Variants in CALCR observed in about 807,000 individuals in gnomAD.
CALCR encodes the protein calcitonin receptor.
Under a neutral mutation model 59.5 loss-of-function variants are expected in CALCR, and 47 were observed. The observed-to-expected ratio is 0.79, with a 90% CI of 0.63 to 1.01. The LOEUF is 1.01. CALCR is among the 50% of genes least tolerant of loss of function. CALCR has a pLI of 0.00. For missense variants in CALCR, 566 were observed against 597.1 expected (o/e 0.95, Z 0.54); for synonymous variants, 213 against 211.3 (o/e 1.01, Z -0.07).
intron 2 of CALCR, among the ~76,000 whole-genome samples, chr7:93,525,596 T>A (rs1026542002): frequency 1.7e-4 from 26 of 152,228 alleles, no homozygotes; most frequent in Non-Finnish European, 3.5e-4. Context: ...TGGCTAACAG[T>A]ACTGCAGTTC....
At chr7:93,498,748 C>T (rs1393816163) in intron 2 of CALCR, among the ~76,000 whole-genome samples, 1 of 151,652 alleles carries the variant, frequency 6.6e-6, no homozygotes, top group Non-Finnish European at 1.5e-5. Flanking sequence ...TTAGTCACTA[C>T]ATATAGACTG....
At chr7:93,485,563 A>G (rs1468180) in intron 3 of CALCR, among the ~76,000 whole-genome samples, 60,872 of 151,348 alleles carry the variant, frequency 0.4, 12,958 homozygotes, top group South Asian at 0.49. Flanking sequence ...ATACCAGATC[A>G]CTTAGGATTT....
At chr7:93,530,413 C>A (rs13223650) in intron 2 of CALCR, among the ~76,000 whole-genome samples, 13,033 of 152,108 alleles carry the variant, frequency 0.086, 620 homozygotes, top group African/African-American at 0.099. Flanking sequence ...CTATTTCCAC[C>A]TTTTAATCTA....
chr7:93,483,612 T>C (rs1158308957), intron 3 of CALCR, among the ~76,000 whole-genome samples: 1 of 151,520 alleles, frequency 6.6e-6, no homozygotes, highest in East Asian at 2.0e-4. Context: ...CTTTTGCTGA[T>C]AATTTTATAC....
chr7:93,572,155 TA>T (rs1790018567), intron 2 of CALCR, among the ~76,000 whole-genome samples: 1 of 152,158 alleles, frequency 6.6e-6, no homozygotes, highest in Non-Finnish European at 1.5e-5. Context: ...CATCAAATAT[TA>T]AAATATTTTT....
At chr7:93,568,535 C>CTCTCTCTCTT (rs1789922608) in intron 2 of CALCR, among the ~76,000 whole-genome samples, 1 of 135,094 alleles carries the variant, frequency 7.4e-6, no homozygotes. Flanking sequence ...CTCTCTCTCT[C>CTCTCTCTCTT]TCTCTCTCTC....
chr7:93,458,565 C>T (rs1008364107), intron 8 of CALCR, among the ~76,000 whole-genome samples: 1 of 152,140 alleles, frequency 6.6e-6, no homozygotes, highest in Non-Finnish European at 1.5e-5. Context: ...TGGTTGAGCT[C>T]AGCTATGGGG....
chr7:93,543,091 C>A (rs1339710362), intron 2 of CALCR, among the ~76,000 whole-genome samples: 3 of 151,958 alleles, frequency 2.0e-5, no homozygotes, highest in Admixed American at 6.6e-5. Context: ...ATTGTATATG[C>A]CACATTTTTT....
chr7:93,436,956 G>A (rs1016593402), intron 11 of CALCR, among the ~76,000 whole-genome samples: 2 of 151,982 alleles, frequency 1.3e-5, no homozygotes, highest in East Asian at 1.9e-4. Context: ...ATATTTGCAC[G>A]GGCAGCTCTT....
At chr7:93,514,033 T>C (rs543172166) in intron 2 of CALCR, among the ~76,000 whole-genome samples, 1 of 152,154 alleles carries the variant, frequency 6.6e-6, no homozygotes, top group South Asian at 2.1e-4. Flanking sequence ...TGACATTCTA[T>C]ATTTGAATCA....
At chr7:93,447,248 C>T (rs914385909) in intron 8 of CALCR, among the ~76,000 whole-genome samples, 5 of 151,916 alleles carry the variant, frequency 3.3e-5, no homozygotes, top group Non-Finnish European at 7.4e-5. Context: ...ACAGGTTTTC[C>T]TTAGTCTAAT....
intron 7 of CALCR, among the ~76,000 whole-genome samples, chr7:93,468,254 C>G (rs1232740633): frequency 6.6e-6 from 1 of 151,706 alleles, no homozygotes; most frequent in Non-Finnish European, 1.5e-5. Context: ...TAGAAACATG[C>G]TCTGATGTGC....
intron 2 of CALCR, among the ~76,000 whole-genome samples, chr7:93,495,244 G>A (rs1801174793): frequency 6.6e-6 from 1 of 151,326 alleles, no homozygotes; most frequent in Admixed American, 6.6e-5. Flanking sequence ...ACACCAGGAA[G>A]ATCACTCAAA....
chr7:93,460,580 T>TATATATATATATATAC (rs1562982468), intron 8 of CALCR, among the ~76,000 whole-genome samples: 77 of 111,882 alleles, frequency 6.9e-4, no homozygotes, highest in African/African-American at 3.0e-3. Flanking sequence ...AAAATATATA[T>TATATATATATATATAC]ATATATATAT....
chr7:93,469,233 G>A (rs1037357519), intron 6 of CALCR, among the ~76,000 whole-genome samples: 4 of 151,652 alleles, frequency 2.6e-5, no homozygotes, highest in African/African-American at 9.7e-5. Flanking sequence ...CAGAGAGTAT[G>A]GTGGCAGGTT....
chr7:93,533,868 C>T lies in CALCR; in HGVS notation c.-27+40421G>A, dbSNP rs191969256. Among the ~76,000 whole-genome samples the T allele has an allele frequency of 3.2e-3, 484 of 151,868 alleles. 2 individuals carry two copies. Among genetic ancestry groups the T allele is most frequent in the African/African-American group, 0.011 (476 of 41,494 alleles). On this transcript the variant is annotated intron_variant, in intron 2 of 13. Transcript: ENST00000426151. ...TTCTTTGGGAAGTAAATCTGGAGGT[C>T]ACTGCTCATGGGTTTGTTAGCAGCC...
intron 2 of CALCR, among the ~76,000 whole-genome samples, chr7:93,555,608 C>G (rs1024801945): frequency 4.6e-5 from 7 of 152,102 alleles, no homozygotes; most frequent in Non-Finnish European, 1.0e-4. Flanking sequence ...CCATTTCAAC[C>G]ATTTATCAAA....
In CALCR at chr7:93,429,934, G is replaced by GTT. The variant is rs60085032; in HGVS notation, c.1192-3347_1192-3346dup. Among the ~76,000 whole-genome samples the GTT allele has an allele frequency of 2.8e-4, 26 of 93,202 alleles. 1 individual carries two copies. Among genetic ancestry groups the GTT allele is most frequent in the African/African-American group, 9.4e-4 (24 of 25,616 alleles). 61.1% of individuals were successfully genotyped at this position (93,202 alleles called of 152,430 possible). A position where few individuals can be genotyped will look rare whatever the true frequency, so the allele number is the denominator to read the frequency against. On this transcript the variant is annotated intron_variant, in intron 13 of 13. Transcript: ENST00000426151. Reference sequence around the variant, plus strand: ...AGACGGTTTTTTTTTTTGTTTGTTTGTTTTTTTGTTTTTTTTTGAGACAGA... The same window carrying GTT: ...AGACGGTTTTTTTTTTTGTTTGTTTGTTTTTTTTTGTTTTTTTTTGAGACAGA...
chr7:93,515,163 T>C (rs1380216587), intron 2 of CALCR, among the ~76,000 whole-genome samples: 2 of 152,072 alleles, frequency 1.3e-5, no homozygotes, highest in East Asian at 3.9e-4. Context: ...CTTATAATTG[T>C]AAATCACTTT....
Sources: gnomAD v4.1 joint callset for allele counts (sites outside exome capture counted in the v4.1 genomes callset) on GRCh38, gnomAD v4.1.1 for gene constraint, MANE v1.5 for transcripts, NCBI Gene and HGNC (gene_info 2026-07-23, HGNC 2026-07-21) for gene names.